The following ZC4H2 variants were observed in gnomAD, a reference collection of about 807,000 sequenced individuals.
The protein encoded by ZC4H2 is zinc finger C4H2-type containing, also known as zinc finger C4H2 domain-containing protein.
For synonymous variants in ZC4H2, 84 were observed against 66.3 expected, an observed-to-expected ratio of 1.27 and a Z score of -1.30; for missense variants, 137 against 173.9, an observed-to-expected ratio of 0.79 and a Z score of 1.19.
intron 1 of ZC4H2, among the ~76,000 whole-genome samples, chrX:64,925,227 T>C (rs941913164): frequency 9.0e-6 from 1 of 111,442 alleles, no homozygotes; most frequent in Non-Finnish European, 1.9e-5. Flanking sequence ...TGGCCAGGTA[T>C]ATTGCTGGTT....
At chrX:64,948,286 C>G (rs572596183) in intron 1 of ZC4H2, among the ~76,000 whole-genome samples, 1 of 111,425 alleles carries the variant, frequency 9.0e-6, no homozygotes, top group South Asian at 3.8e-4. Flanking sequence ...TGGCTTGGAT[C>G]CAGTTAGAGG....
intron 1 of ZC4H2, among the ~76,000 whole-genome samples, chrX:64,974,905 C>T (rs1050295944): frequency 1.0e-5 from 1 of 97,468 alleles, no homozygotes; most frequent in Admixed American, 1.2e-4. Flanking sequence ...CTAGCTGCAT[C>T]GTTATGACAG....
At chrX:65,003,746 G>A (rs189230624) in intron 1 of ZC4H2, among the ~76,000 whole-genome samples, 4 of 109,363 alleles carry the variant, frequency 3.7e-5, no homozygotes, top group Non-Finnish European at 1.9e-5. Context: ...GCAAGGTGGC[G>A]GGTGCCTGTA....
chrX:65,020,115 A>G (rs1321248818), intron 1 of ZC4H2, among the ~76,000 whole-genome samples: 1 of 112,309 alleles, frequency 8.9e-6, no homozygotes, highest in Non-Finnish European at 1.9e-5. Flanking sequence ...AACACTCTGC[A>G]GGATATTATC....
At chrX:64,944,593 T>C (rs1930445845) in intron 1 of ZC4H2, among the ~76,000 whole-genome samples, 1 of 111,159 alleles carries the variant, frequency 9.0e-6, no homozygotes, top group Admixed American at 9.6e-5. Flanking sequence ...TTAGTGGTGC[T>C]CTCTGCACTT....
chrX:64,985,704 AG>A (rs1436101350), intron 1 of ZC4H2, among the ~76,000 whole-genome samples: 3 of 111,620 alleles, frequency 2.7e-5, no homozygotes, highest in Non-Finnish European at 3.8e-5. Context: ...AGAATCTGAA[AG>A]GGTTTCCCAG....
intron 1 of ZC4H2, among the ~76,000 whole-genome samples, chrX:64,954,737 T>C (rs1931085831): frequency 9.1e-6 from 1 of 109,871 alleles, no homozygotes; most frequent in South Asian, 3.8e-4. Flanking sequence ...GAAATTTTAA[T>C]GAAAAGGTGG....
chrX:64,989,619 T>TTGAAAACTA, intron 1 of ZC4H2, among the ~76,000 whole-genome samples: 1 of 112,292 alleles, frequency 8.9e-6, no homozygotes, highest in South Asian at 3.7e-4. Flanking sequence ...GAGAAAATAT[T>TTGAAAACTA]TGAAAACTAC....
chrX:64,942,612 G>A (rs1216965560), intron 1 of ZC4H2, among the ~76,000 whole-genome samples: 4 of 109,253 alleles, frequency 3.7e-5, no homozygotes, highest in Non-Finnish European at 1.9e-5. Context: ...TTAGTTTGCT[G>A]AGAATGATGG....
At chrX:64,941,724 T>A (rs2147375232) in intron 1 of ZC4H2, among the ~76,000 whole-genome samples, 1 of 112,443 alleles carries the variant, frequency 8.9e-6, no homozygotes, top group Non-Finnish European at 1.9e-5. Context: ...GAACTAGCCT[T>A]GCATCCCAGG....
Position 65,032,497 on chromosome X carries a change from CT to C in ZC4H2, c.-272+2131del, listed in dbSNP as rs776237988. Among the ~76,000 whole-genome samples, 3 of 111,699 alleles carry C rather than the reference CT, an allele frequency of 2.7e-5. No homozygotes were observed. The East Asian group carries it at 8.4e-4, about 31-fold the overall frequency. ...GAGCTGTGTGAGAACTCTATCCAAG[CT>C]CATTTCCACATTCATAATTGTAATA... On this transcript the variant is annotated intron_variant, in intron 1 of 4. Transcript: ENST00000337990.
intron 1 of ZC4H2, among the ~76,000 whole-genome samples, chrX:64,997,774 G>T (rs922176614): frequency 1.8e-5 from 2 of 111,223 alleles, no homozygotes; most frequent in Admixed American, 1.9e-4. Flanking sequence ...ACACCACCAT[G>T]GCTGGCTAAT....
intron 1 of ZC4H2, among the ~76,000 whole-genome samples, chrX:64,992,017 G>A (rs960666711): frequency 2.7e-5 from 3 of 111,192 alleles, no homozygotes; most frequent in Non-Finnish European, 5.7e-5. Flanking sequence ...GGGGCTGCAG[G>A]GAGGAAAAAA....
At chrX:64,924,489 C>T (rs186589706) in intron 1 of ZC4H2, among the ~76,000 whole-genome samples, 19 of 111,336 alleles carry the variant, frequency 1.7e-4, no homozygotes, top group Admixed American at 1.5e-3. Context: ...ATCCTGAACA[C>T]AAGGTTGTAT....
At chrX:64,940,025 T>A (rs1930196263) in intron 1 of ZC4H2, among the ~76,000 whole-genome samples, 1 of 111,311 alleles carries the variant, frequency 9.0e-6, no homozygotes, top group Non-Finnish European at 1.9e-5. Context: ...ATTTTTGCAA[T>A]TATTATAAAA....
At chrX:65,011,250 G>T (rs894052576) in intron 1 of ZC4H2, among the ~76,000 whole-genome samples, 8 of 111,692 alleles carry the variant, frequency 7.2e-5, no homozygotes, top group Non-Finnish European at 1.3e-4. Context: ...GCTCAAAAAG[G>T]TGAGTGACTT....
chrX:64,935,953 G>A (rs761729290), intron 1 of ZC4H2, among the ~76,000 whole-genome samples: 2 of 110,719 alleles, frequency 1.8e-5, no homozygotes, highest in Admixed American at 9.7e-5. Flanking sequence ...GGCTTCGGAA[G>A]GTGGGTAATA....
chrX:64,943,811 G>A (rs953800183), intron 1 of ZC4H2, among the ~76,000 whole-genome samples: 1 of 111,338 alleles, frequency 9.0e-6, no homozygotes, highest in African/African-American at 3.3e-5. Context: ...TCTTTTAATT[G>A]GGGAATTTAG....
At chrX:64,961,615 T>A (rs1225888245) in intron 1 of ZC4H2, among the ~76,000 whole-genome samples, 1 of 108,503 alleles carries the variant, frequency 9.2e-6, no homozygotes, top group Admixed American at 9.9e-5. Context: ...AAGAATCAAA[T>A]TTTTTTAATG....
Sources: allele counts gnomAD v4.1 joint callset (sites outside exome capture counted in the v4.1 genomes callset), GRCh38; gene constraint gnomAD v4.1.1; transcripts MANE v1.5; gene names NCBI Gene and HGNC (gene_info 2026-07-23, HGNC 2026-07-21).